Variants in NFIC observed in about 807,000 individuals in gnomAD.
NFIC encodes the protein nuclear factor I C.
Under a neutral mutation model 54.4 loss-of-function variants are expected in NFIC, and 12 were observed. The observed-to-expected ratio is 0.22, with a 90% confidence interval of 0.14 to 0.36. NFIC has a LOEUF of 0.36. Among genes scored for constraint, NFIC ranks in the 10% least tolerant of loss-of-function variants. The probability of loss-of-function intolerance (pLI) is 1.00; values close to 1 mark genes in which losing one functional copy is unlikely to be tolerated. For missense variants in NFIC, 575 were observed against 718.2 expected (o/e 0.80, Z 2.28); for synonymous variants, 322 against 319.2 (o/e 1.01, Z -0.09).
intron 10 of NFIC, among the ~76,000 whole-genome samples, chr19:3,460,434 G>A (rs977079292): frequency 1.3e-5 from 2 of 152,176 alleles, no homozygotes; most frequent in Admixed American, 6.5e-5. Context: ...ACAAAACAGC[G>A]GTGGAGGGAG....
At chr19:3,398,909 C>A (rs918812808) in intron 2 of NFIC, among the ~76,000 whole-genome samples, 9 of 152,244 alleles carry the variant, frequency 5.9e-5, no homozygotes, top group Non-Finnish European at 1.3e-4. Flanking sequence ...CTGCGGACTC[C>A]GCCCTCAGCA....
At chr19:3,423,254 G>A (rs573599826) in intron 2 of NFIC, among the ~76,000 whole-genome samples, 6 of 152,050 alleles carry the variant, frequency 3.9e-5, no homozygotes, top group African/African-American at 7.2e-5. Flanking sequence ...GCGGACTCTC[G>A]TGATTGAGGT....
chr19:3,371,901 TTC>T (rs2081018921), intron 1 of NFIC, among the ~76,000 whole-genome samples: 2 of 90,778 alleles, frequency 2.2e-5, no homozygotes, highest in African/African-American at 3.6e-5. Flanking sequence ...CCTTCCTTCC[TTC>T]CTTCCTTCCT....
chr19:3,416,232 A>G (rs985735445), intron 2 of NFIC, among the ~76,000 whole-genome samples: 1 of 150,330 alleles, frequency 6.7e-6, no homozygotes, highest in Non-Finnish European at 1.5e-5. Flanking sequence ...TTTTTCCCTA[A>G]TCACTCTCCT....
chr19:3,463,555 T>C lies in NFIC; in HGVS notation c.*786T>C. 1 of 984,616 alleles carries C rather than the reference T, an allele frequency of 1.0e-6. No homozygotes were observed. Among genetic ancestry groups the C allele is most frequent in the Non-Finnish European group, 1.2e-6 (1 of 829,786 alleles). 61.0% of individuals were successfully genotyped at this position (984,616 alleles called of 1,614,324 possible). Reference sequence around the variant, plus strand: ...AGCGCCGGCCGACTCGCTGTCTCGCTGGGGACTCTTTCAGCCCTCGCGCCC... The same window carrying C: ...AGCGCCGGCCGACTCGCTGTCTCGCCGGGGACTCTTTCAGCCCTCGCGCCC... On this transcript the variant is annotated 3_prime_UTR_variant, in exon 11 of 11. Transcript: ENST00000443272.
rs975190926 is a variant in NFIC at position 3,453,494 on chromosome 19, T to A, written c.1270-269T>A. 5.3e-5 allele frequency among the ~76,000 whole-genome samples: 8 copies of A among 152,086 alleles called. No homozygotes were observed. The highest frequency in any genetic ancestry group is 1.9e-4 in the African/African-American group (8 of 41,406). On this transcript the variant is annotated intron_variant, in intron 8 of 10. Coordinates refer to ENST00000443272, the MANE Select transcript of NFIC (RefSeq NM_001245002.2). The surrounding 1 kb of genome is among the most constrained non-coding windows in gnomAD (Gnocchi z 6.7). ...ACTGTTTGGAAGGAAATCAGTCGAG[T>A]TGGCGTGCAGGGGGTTTACAGAGGA...
chr19:3,393,228 G>A (rs926424489), intron 2 of NFIC, among the ~76,000 whole-genome samples: 4 of 152,142 alleles, frequency 2.6e-5, no homozygotes, highest in East Asian at 1.9e-4. Flanking sequence ...CCCAGACTAA[G>A]TCCCATCTTT....
chr19:3,397,189 C>G (rs778079561), intron 2 of NFIC, among the ~76,000 whole-genome samples: 17 of 152,272 alleles, frequency 1.1e-4, no homozygotes, highest in Non-Finnish European at 1.8e-4. Flanking sequence ...CAGCATTTAA[C>G]AGATGGGGAA....
intron 2 of NFIC, among the ~76,000 whole-genome samples, chr19:3,415,122 G>C (rs2081832279): frequency 6.6e-6 from 1 of 152,032 alleles, no homozygotes; most frequent in South Asian, 2.1e-4. Flanking sequence ...TTACAGGTGT[G>C]AGCCACCGTG....
At chr19:3,367,692 G>A (rs1249432365) in intron 1 of NFIC, among the ~76,000 whole-genome samples, 2 of 152,256 alleles carry the variant, frequency 1.3e-5, no homozygotes, top group Non-Finnish European at 2.9e-5. Context: ...TCTTTAGGCT[G>A]GAGAGGTTCT....
chr19:3,370,965 C>T lies in NFIC; in HGVS notation c.30+4299C>T, dbSNP rs937956479. Among the ~76,000 whole-genome samples, 1 of 152,214 alleles carries T rather than the reference C, an allele frequency of 6.6e-6. No individual in the cohort carries two copies. Among genetic ancestry groups the T allele is most frequent in the African/African-American group, 2.4e-5 (1 of 41,452 alleles). On this transcript the variant is annotated intron_variant, in intron 1 of 10. Coordinates refer to ENST00000443272, the MANE Select transcript of NFIC (RefSeq NM_001245002.2). The surrounding 1 kb of genome is among the most constrained non-coding windows in gnomAD (Gnocchi z 5.2). Reference sequence around the variant, plus strand: ...CATGAGCACACGCTGGGCGCACACGCGTGCACACTCCCTGACACCCATACG... The same window carrying T: ...CATGAGCACACGCTGGGCGCACACGTGTGCACACTCCCTGACACCCATACG...
chr19:3,378,204 T>C (rs952184846), intron 1 of NFIC, among the ~76,000 whole-genome samples: 1 of 146,466 alleles, frequency 6.8e-6, no homozygotes, highest in African/African-American at 2.6e-5. Context: ...GAGGTTGCAG[T>C]GAGCCGAGAT....
intron 1 of NFIC, among the ~76,000 whole-genome samples, chr19:3,373,622 C>A (rs974718089): frequency 2.6e-5 from 3 of 116,864 alleles, no homozygotes; most frequent in East Asian, 4.4e-4. Flanking sequence ...CCTGGACCCC[C>A]CCCCCAAGCT....
Position 3,458,993 on chromosome 19 carries a change from C to T in NFIC, c.1509+2358C>T, listed in dbSNP as rs1047461313. 8.6e-5 allele frequency among the ~76,000 whole-genome samples: 13 copies of T among 152,014 alleles called. No individual in the cohort carries two copies. Among genetic ancestry groups the T allele is most frequent in the Non-Finnish European group, 1.8e-4 (12 of 67,964 alleles). On this transcript the variant is annotated intron_variant, in intron 10 of 10. Coordinates refer to ENST00000443272, the MANE Select transcript of NFIC (RefSeq NM_001245002.2). This position sits in a 1 kb window ranked among gnomAD's most constrained non-coding sequence, Gnocchi z 4.1. ...GAGCACCTGGGTTGAGGCCGGGCGC[C>T]GCCACCTCCCTGCAGACCCCGGAGA...
upstream of NFIC, among the ~76,000 whole-genome samples, chr19:3,363,535 G>A (rs1232396564): frequency 6.6e-6 from 1 of 151,366 alleles, no homozygotes; most frequent in East Asian, 2.0e-4. Flanking sequence ...GCCTCCCAAA[G>A]TGTTGGGATT....
chr19:3,366,631 C>T lies in NFIC; in HGVS notation c.-6C>T, dbSNP rs766027747. The T allele has an allele frequency of 1.3e-5, 19 of 1,499,992 alleles. No homozygotes were observed. Among genetic ancestry groups the T allele is most frequent in the Non-Finnish European group, 1.5e-5 (17 of 1,131,086 alleles). 92.9% of individuals were successfully genotyped at this position (1,499,992 alleles called of 1,614,324 possible). ...GGCCGGCCCTGCGCCTCCCGCCGCGCCCGGGATGTATTCGTCCCCGCTCTG... is the reference window on the plus strand; with the variant it reads ...GGCCGGCCCTGCGCCTCCCGCCGCGTCCGGGATGTATTCGTCCCCGCTCTG... On this transcript the variant is annotated 5_prime_UTR_variant, in exon 1 of 11. Transcript: ENST00000443272.
intron 2 of NFIC, among the ~76,000 whole-genome samples, chr19:3,414,726 C>T (rs775916124): frequency 4.6e-5 from 7 of 152,146 alleles, no homozygotes; most frequent in Non-Finnish European, 8.8e-5. Context: ...TCAGAACCCA[C>T]GAACTGATTC....
chr19:3,363,259 ATATATATATATT>A (rs1360558069), upstream of NFIC, among the ~76,000 whole-genome samples: 13 of 23,854 alleles, frequency 5.4e-4, no homozygotes, highest in South Asian at 3.3e-3. Flanking sequence ...ATATATATAT[ATATATATATATT>A]TTTTTTTTTT....
At chr19:3,422,719 A>C (rs1196900840) in intron 2 of NFIC, among the ~76,000 whole-genome samples, 1 of 151,896 alleles carries the variant, frequency 6.6e-6, no homozygotes, top group African/African-American at 2.4e-5. Context: ...TCTGTCTCAA[A>C]AAAAAAAGGA....
Sources: gnomAD v4.1 joint callset for allele counts (sites outside exome capture counted in the v4.1 genomes callset) on GRCh38, gnomAD v4.1.1 for gene constraint, Gnocchi (gnomAD v3.1) non-coding constraint, MANE v1.5 for transcripts, NCBI Gene and HGNC (gene_info 2026-07-23, HGNC 2026-07-21) for gene names.